Variants in NUDCD1 observed in about 807,000 individuals in gnomAD.
The protein encoded by NUDCD1 is nudC domain-containing protein 1.
NUDCD1 carries 60 observed loss-of-function variants against 67.8 expected under a neutral mutation model. The observed-to-expected ratio is 0.88, with a 90% CI of 0.72 to 1.10. NUDCD1 has a LOEUF of 1.10. Ranked by LOEUF, NUDCD1 falls within the 50% of genes least tolerant of loss-of-function variation. The pLI, the probability that NUDCD1 is intolerant of heterozygous loss-of-function variation, is 0.00. For synonymous variants in NUDCD1, 244 were observed against 230.8 expected, an observed-to-expected ratio of 1.06 and a Z score of -0.52; for missense variants, 643 against 695.0, an observed-to-expected ratio of 0.93 and a Z score of 0.84.
rs142516426 is a variant in NUDCD1 at position 109,273,503 on chromosome 8, T to C, written c.1173+1849A>G. On this transcript the variant is annotated intron_variant, in intron 7 of 9. Coordinates refer to ENST00000239690, the MANE Select transcript of NUDCD1 (RefSeq NM_032869.4). ...ATCAACTAAGTATCACCTTCAAAAA[T>C]AGAAAAAAAGAGCAAAATATATCCC... Among the ~76,000 whole-genome samples, 66 of 151,056 alleles carry C rather than the reference T, an allele frequency of 4.4e-4. 1 individual carries two copies. The East Asian group carries it at 9.5e-3, about 22-fold the overall frequency.
intron 8 of NUDCD1, among the ~76,000 whole-genome samples, chr8:109,256,057 A>G (rs1051297266): frequency 6.6e-6 from 1 of 151,890 alleles, no homozygotes; most frequent in Non-Finnish European, 1.5e-5. Flanking sequence ...CAAAAAATCC[A>G]AAAATTAGCT....
At chr8:109,303,769 A>G (rs1815043123) in intron 2 of NUDCD1, among the ~76,000 whole-genome samples, 1 of 152,022 alleles carries the variant, frequency 6.6e-6, no homozygotes, top group Admixed American at 6.6e-5. Flanking sequence ...TTAAAACCTA[A>G]TCACCCTTAC....
intron 4 of NUDCD1, among the ~76,000 whole-genome samples, chr8:109,291,653 G>A (rs1310367832): frequency 1.3e-5 from 2 of 152,020 alleles, no homozygotes; most frequent in Admixed American, 6.6e-5. Context: ...GGGAGAGAAG[G>A]AACAAGATAT....
intron 1 of NUDCD1, among the ~76,000 whole-genome samples, chr8:109,330,924 T>C (rs569052736): frequency 6.6e-6 from 1 of 151,936 alleles, no homozygotes; most frequent in South Asian, 2.1e-4. Flanking sequence ...TTAGGAAAAA[T>C]TGCTAATGCA....
At position 109,296,441 on chromosome 8, in the gene NUDCD1, T is replaced by C; in HGVS notation, c.402A>G (p.Gly134=). The change falls in exon 3 of 10, where the codon GGA becomes GGG. Residue 134 remains glycine, a synonymous_variant. Coordinates refer to ENST00000239690, the MANE Select transcript of NUDCD1 (RefSeq NM_032869.4). ...CACCTGTTCCAATGACATACAATCTTCCAGTTCCATCTGACAAGGTAACCC... is the reference window on the plus strand; with the variant it reads ...CACCTGTTCCAATGACATACAATCTCCCAGTTCCATCTGACAAGGTAACCC... The part of the protein sequence containing the change: ...STWVTLSDGT[G]RLYVIGTGER... 1 of 1,613,680 alleles carries C rather than the reference T, an allele frequency of 6.2e-7. No homozygotes were observed. Among genetic ancestry groups the C allele is most frequent in the East Asian group, 2.2e-5 (1 of 44,868 alleles).
At chr8:109,333,746 C>T (rs1203102735) in intron 1 of NUDCD1, 147 bp downstream of exon 1, 3 of 850,308 alleles carry the variant, frequency 3.5e-6, no homozygotes, top group Non-Finnish European at 5.5e-6. Context: ...GCATCATTCC[C>T]CAGAAGCAGC....
chr8:109,301,504 G>A (rs146079479), intron 2 of NUDCD1, among the ~76,000 whole-genome samples: 234 of 152,344 alleles, frequency 1.5e-3, no homozygotes, highest in Admixed American at 3.3e-3. Context: ...GACATTTGGT[G>A]CCGAAGACCC....
intron 8 of NUDCD1, among the ~76,000 whole-genome samples, chr8:109,253,105 T>C (rs573516866): frequency 1.3e-5 from 2 of 152,214 alleles, no homozygotes; most frequent in Non-Finnish European, 2.9e-5. Context: ...CCGTCTTTAA[T>C]CTATTGATTT....
At chr8:109,301,693 C>T (rs768089737) in intron 2 of NUDCD1, among the ~76,000 whole-genome samples, 1 of 152,204 alleles carries the variant, frequency 6.6e-6, no homozygotes, top group African/African-American at 2.4e-5. Context: ...CCTTCAATCT[C>T]CCTCTCTTAC....
intron 2 of NUDCD1, among the ~76,000 whole-genome samples, chr8:109,304,143 C>A (rs572779998): frequency 9.7e-4 from 147 of 152,164 alleles, no homozygotes; most frequent in Non-Finnish European, 1.7e-3. Flanking sequence ...TAACTCATCC[C>A]AACCTTTTTC....
chr8:109,271,430 C>A (rs1814154811), intron 7 of NUDCD1, among the ~76,000 whole-genome samples: 1 of 152,066 alleles, frequency 6.6e-6, no homozygotes, highest in South Asian at 2.1e-4. Context: ...AAACACAAAT[C>A]TGAAATGAAA....
chr8:109,313,771 AT>A (rs1815318469), intron 2 of NUDCD1: 1 of 576,338 alleles, frequency 1.7e-6, no homozygotes, highest in Non-Finnish European at 3.0e-6. Flanking sequence ...AATTATGAGC[AT>A]TTTAAGCCAT....
At chr8:109,276,126 T>A (rs961095401) in intron 6 of NUDCD1, among the ~76,000 whole-genome samples, 1 of 152,228 alleles carries the variant, frequency 6.6e-6, no homozygotes, top group Non-Finnish European at 1.5e-5. Flanking sequence ...ATTTAAAATC[T>A]AATTCTGTAC....
chr8:109,280,285 G>A (rs557776357), intron 6 of NUDCD1, among the ~76,000 whole-genome samples: 2 of 152,306 alleles, frequency 1.3e-5, no homozygotes, highest in East Asian at 1.9e-4. Context: ...AAAGCAAGAT[G>A]TATAATTGTG....
At chr8:109,246,888 C>T (rs1813509767) in intron 8 of NUDCD1, among the ~76,000 whole-genome samples, 1 of 152,132 alleles carries the variant, frequency 6.6e-6, no homozygotes, top group African/African-American at 2.4e-5. Flanking sequence ...AAGTGGCTCT[C>T]CAGCAAGGGG....
At chr8:109,252,745 T>A (rs1434281578) in intron 8 of NUDCD1, among the ~76,000 whole-genome samples, 1 of 152,188 alleles carries the variant, frequency 6.6e-6, no homozygotes, top group Admixed American at 6.5e-5. Flanking sequence ...TCATCTCTTC[T>A]TGACATACTT....
intron 2 of NUDCD1, among the ~76,000 whole-genome samples, chr8:109,299,828 T>C (rs1814938632): frequency 6.6e-6 from 1 of 152,096 alleles, no homozygotes. Flanking sequence ...TCACCAAAGC[T>C]AAGAATCCTC....
chr8:109,254,862 GA>G (rs1165408365), intron 8 of NUDCD1, among the ~76,000 whole-genome samples: 1 of 152,126 alleles, frequency 6.6e-6, no homozygotes. Flanking sequence ...ATGCCAGATT[GA>G]AACTTTAATT....
At chr8:109,311,556 G>GGTGT (rs199851152) in intron 2 of NUDCD1, among the ~76,000 whole-genome samples, 8 of 53,970 alleles carry the variant, frequency 1.5e-4, no homozygotes, top group South Asian at 8.0e-4. Context: ...AAGAAACTGT[G>GGTGT]GTGTATATAT....
Sources: gnomAD v4.1 joint callset for allele counts (sites outside exome capture counted in the v4.1 genomes callset) on GRCh38, gnomAD v4.1.1 for gene constraint, MANE v1.5 for transcripts, NCBI Gene and HGNC (gene_info 2026-07-23, HGNC 2026-07-21) for gene names.